Variants in SCGB2B2 observed in about 807,000 individuals in gnomAD.
SCGB2B2 encodes the protein secretoglobin-like protein.
SCGB2B2 carries 11 observed loss-of-function variants against 7.6 expected under a neutral mutation model. The ratio of observed to expected loss-of-function variants is 1.45; its 90% CI spans 0.91 to 2.40. SCGB2B2 has a LOEUF of 2.40. Among genes scored for constraint, SCGB2B2 ranks in the 30% most tolerant of loss-of-function variants. SCGB2B2 has a pLI of 0.00. For synonymous variants in SCGB2B2, 50 were observed against 48.6 expected (o/e 1.03, Z -0.12); for missense variants, 104 against 115.4 (o/e 0.90, Z 0.45).
At chr19:34,617,185 T>A (rs1471951754) in intron 1 of SCGB2B2, among the ~76,000 whole-genome samples, 2 of 152,102 alleles carry the variant, frequency 1.3e-5, no homozygotes, top group African/African-American at 4.8e-5. Flanking sequence ...TTTGCTTCCA[T>A]ATGAACTTTA....
intron 1 of SCGB2B2, among the ~76,000 whole-genome samples, chr19:34,602,464 G>C (rs915542969): frequency 6.6e-6 from 1 of 152,158 alleles, no homozygotes; most frequent in Admixed American, 6.6e-5. Context: ...TATTCTAAGA[G>C]ATCTAGTCTA....
chr19:34,641,691 T>A (rs2066846270), intron 1 of SCGB2B2, among the ~76,000 whole-genome samples: 1 of 152,186 alleles, frequency 6.6e-6, no homozygotes, highest in Non-Finnish European at 1.5e-5. Flanking sequence ...TCTGTTAGGT[T>A]TGACCAACTC....
intron 1 of SCGB2B2, among the ~76,000 whole-genome samples, chr19:34,617,607 G>A (rs1208159806): frequency 6.6e-6 from 1 of 152,110 alleles, no homozygotes; most frequent in Non-Finnish European, 1.5e-5. Flanking sequence ...GGGTTTTCAA[G>A]ATATACAATC....
At chr19:34,630,514 TG>T (rs745859955) in intron 1 of SCGB2B2, among the ~76,000 whole-genome samples, 9 of 151,924 alleles carry the variant, frequency 5.9e-5, no homozygotes, top group Non-Finnish European at 1.0e-4. Context: ...CATGAAAAAA[TG>T]CTCACCATCA....
chr19:34,672,846 G>A (rs1033279854), intron 1 of SCGB2B2, among the ~76,000 whole-genome samples: 8 of 151,998 alleles, frequency 5.3e-5, no homozygotes, highest in Non-Finnish European at 8.8e-5. Flanking sequence ...AACAAGCTTG[G>A]GCCTCTTTTA....
At position 34,591,400 on chromosome 19, in the gene SCGB2B2, C is replaced by T. The variant is rs565810103; in HGVS notation, c.*2155G>A. 6.6e-5 allele frequency among the ~76,000 whole-genome samples: 10 copies of T among 152,326 alleles called. No individual in the cohort carries two copies. In the East Asian group the frequency reaches 1.4e-3, roughly 21 times the overall value. ...GTGCTGCCCCAGCCTCTGTCTCCCT[C>T]GTGTCTCTCCAGGGCTGCACTGTGA... On this transcript the variant is annotated 3_prime_UTR_variant, in exon 4 of 4. Coordinates refer to ENST00000601241, the MANE Select transcript of SCGB2B2 (RefSeq NM_001025591.4).
chr19:34,623,137 G>C (rs967445769), intron 1 of SCGB2B2, among the ~76,000 whole-genome samples: 1 of 152,112 alleles, frequency 6.6e-6, no homozygotes, highest in African/African-American at 2.4e-5. Context: ...GAGACACAAA[G>C]TTCATCTCCA....
At position 34,590,878 on chromosome 19, in the gene SCGB2B2, C is replaced by T. The variant is rs2065282439; in HGVS notation, c.*2677G>A. ...TATTCTTTCAAACACATGTGAAATG[C>T]TTTTGCATCTCAAAGTATTTATATC... On this transcript the variant is annotated 3_prime_UTR_variant, in exon 4 of 4. Coordinates refer to ENST00000601241, the MANE Select transcript of SCGB2B2 (RefSeq NM_001025591.4). 6.6e-6 allele frequency among the ~76,000 whole-genome samples: 1 copy of T among 152,174 alleles called. No homozygotes were observed. The highest frequency in any genetic ancestry group is 6.5e-5 in the Admixed American group (1 of 15,286).
chr19:34,642,557 T>C (rs2066872663), intron 1 of SCGB2B2, among the ~76,000 whole-genome samples: 1 of 151,038 alleles, frequency 6.6e-6, no homozygotes, highest in Non-Finnish European at 1.5e-5. Context: ...CTACTAAAAA[T>C]ACAAAAAAAT....
chr19:34,594,794 G>C lies in SCGB2B2; in HGVS notation c.-231C>G. The C allele has an allele frequency of 1.8e-6, 1 of 568,708 alleles. No homozygotes were observed. Among genetic ancestry groups the C allele is most frequent in the Non-Finnish European group, 3.2e-6 (1 of 311,452 alleles). The allele number at this position is 568,708 out of a possible 1,614,324, so 35.2% of individuals were successfully genotyped here. A position where few individuals can be genotyped will look rare whatever the true frequency, so the allele number is the denominator to read the frequency against. ...TATCGGGAACTGGACTCAGCATGCAGTGGGAGGGGTTGGGTGTTGTGACAT... is the reference window on the plus strand; with the variant it reads ...TATCGGGAACTGGACTCAGCATGCACTGGGAGGGGTTGGGTGTTGTGACAT... On this transcript the variant is annotated 5_prime_UTR_variant, in exon 2 of 4. Coordinates refer to ENST00000601241, the MANE Select transcript of SCGB2B2 (RefSeq NM_001025591.4).
chr19:34,652,936 CA>C (rs1328910047), intron 1 of SCGB2B2, among the ~76,000 whole-genome samples: 16 of 150,780 alleles, frequency 1.1e-4, no homozygotes, highest in Admixed American at 6.6e-5. Context: ...TCACAATGGA[CA>C]AAACATGGAA....
rs1488752175 is a variant in SCGB2B2, at chr19:34,668,915, G to A, written c.-2032+6715C>T. 4.6e-5 allele frequency among the ~76,000 whole-genome samples: 7 copies of A among 152,266 alleles called. No individual in the cohort carries two copies. In the East Asian group the frequency reaches 1.4e-3, roughly 29 times the overall value. ...CCAGGATGTGGGTGGGGCCAGATAA[G>A]AGAGTAAAAGCAGGCTGCCCCAGCC... On this transcript the variant is annotated intron_variant, in intron 1 of 3. Coordinates refer to ENST00000601241, the MANE Select transcript of SCGB2B2 (RefSeq NM_001025591.4).
At chr19:34,623,762 C>T (rs1281700328) in intron 1 of SCGB2B2, among the ~76,000 whole-genome samples, 8 of 152,174 alleles carry the variant, frequency 5.3e-5, no homozygotes, top group Admixed American at 5.2e-4. Context: ...GCCCTGATTT[C>T]CCAGAGAATG....
At chr19:34,660,082 T>C (rs1273810658) in intron 1 of SCGB2B2, among the ~76,000 whole-genome samples, 1 of 152,340 alleles carries the variant, frequency 6.6e-6, no homozygotes, top group East Asian at 1.9e-4. Flanking sequence ...GCTAGCCATA[T>C]GTAGAAAGCT....
intron 1 of SCGB2B2, among the ~76,000 whole-genome samples, chr19:34,666,812 A>G (rs1307159211): frequency 1.3e-5 from 2 of 151,432 alleles, no homozygotes; most frequent in African/African-American, 4.9e-5. Context: ...CTGCCAGGAG[A>G]CCCTGGGCTG....
chr19:34,617,500 G>A (rs1042230251), intron 1 of SCGB2B2, among the ~76,000 whole-genome samples: 2 of 150,934 alleles, frequency 1.3e-5, no homozygotes, highest in African/African-American at 4.9e-5. Flanking sequence ...TGTTGTTGGT[G>A]TATAAGAATG....
intron 1 of SCGB2B2, among the ~76,000 whole-genome samples, chr19:34,641,402 C>G (rs2066836771): frequency 6.6e-6 from 1 of 152,148 alleles, no homozygotes. Flanking sequence ...AAGTCTAATA[C>G]AATGGTGACA....
intron 1 of SCGB2B2, among the ~76,000 whole-genome samples, chr19:34,606,439 TGGGGAGATTATTTG>T (rs1032204962): frequency 6.6e-6 from 1 of 151,588 alleles, no homozygotes; most frequent in African/African-American, 2.4e-5. Context: ...TGATTAAGGG[TGGGGAGATTATTTG>T]AGTAAAAAGG....
chr19:34,668,536 C>T (rs1314241473), intron 1 of SCGB2B2, among the ~76,000 whole-genome samples: 1 of 152,220 alleles, frequency 6.6e-6, no homozygotes, highest in Non-Finnish European at 1.5e-5. Flanking sequence ...TGCTGGTGCA[C>T]GGCGCGGGAC....
Sources: gnomAD v4.1 joint callset for allele counts (sites outside exome capture counted in the v4.1 genomes callset) on GRCh38, gnomAD v4.1.1 for gene constraint, MANE v1.5 for transcripts, NCBI Gene and HGNC (gene_info 2026-07-23, HGNC 2026-07-21) for gene names.